The following ROBO1 variants were observed in gnomAD, a reference collection of about 807,000 sequenced individuals.
ROBO1 encodes roundabout guidance receptor 1, also known as roundabout homolog 1.
ROBO1 carries 149 observed loss-of-function variants against 195.9 expected under a neutral mutation model. The ratio of observed to expected loss-of-function variants is 0.76; its 90% CI spans 0.67 to 0.87. The LOEUF (loss-of-function observed/expected upper bound fraction) is 0.87, where lower values mean the gene tolerates loss of function less well. Among genes scored for constraint, ROBO1 ranks in the 40% least tolerant of loss-of-function variants. The pLI is 0.00. For synonymous variants in ROBO1, 816 were observed against 733.2 expected (o/e 1.11, Z -1.82); for missense variants, 1,933 against 2,068.3 (o/e 0.93, Z 1.27).
At chr3:79,018,689 A>G (rs2078020006) in intron 3 of ROBO1, 1 of 1,354,918 alleles carries the variant, frequency 7.4e-7, no homozygotes, top group African/African-American at 1.5e-5. Flanking sequence ...CTCCGGCCCC[A>G]GGATTTCCGA....
At position 79,344,111 on chromosome 3, in the gene ROBO1, G is replaced by C. The variant is rs527386707; in HGVS notation, c.89-218572C>G. 3.3e-5 allele frequency among the ~76,000 whole-genome samples: 5 copies of C among 152,222 alleles called. No homozygotes were observed. In the South Asian group the frequency reaches 1.0e-3, roughly 32 times the overall value. ...AGCAATTCCCAAACTGTTCATAGAG[G>C]GATGGTTGTGTATGTTGATATAATT... is the stretch of plus-strand genomic sequence containing the variant. On this transcript the variant is annotated intron_variant, in intron 2 of 30. Transcript: ENST00000464233.
chr3:79,632,549 C>A (rs1308174460), intron 1 of ROBO1, among the ~76,000 whole-genome samples: 1 of 152,022 alleles, frequency 6.6e-6, no homozygotes, highest in African/African-American at 2.4e-5. Flanking sequence ...AGGGGACAGG[C>A]ACATTAGAAG....
chr3:79,109,984 T>C (rs1268026639), intron 3 of ROBO1, among the ~76,000 whole-genome samples: 1 of 152,114 alleles, frequency 6.6e-6, no homozygotes, highest in Non-Finnish European at 1.5e-5. Context: ...ACATGAAGCT[T>C]ACTGCAGATG....
At chr3:79,471,237 T>G (rs1024399218) in intron 2 of ROBO1, among the ~76,000 whole-genome samples, 7 of 152,246 alleles carry the variant, frequency 4.6e-5, no homozygotes, top group African/African-American at 1.2e-4. Context: ...TTTATGACAT[T>G]ACACTGGGCA....
At chr3:79,348,783 C>T (rs925591218) in intron 2 of ROBO1, among the ~76,000 whole-genome samples, 2 of 152,106 alleles carry the variant, frequency 1.3e-5, no homozygotes, top group Non-Finnish European at 2.9e-5. Flanking sequence ...ATTTTGTATG[C>T]ATAGGCAAAG....
At chr3:79,517,022 C>T (rs1011075425) in intron 2 of ROBO1, among the ~76,000 whole-genome samples, 34 of 152,158 alleles carry the variant, frequency 2.2e-4, no homozygotes, top group African/African-American at 8.2e-4. Context: ...TGATAAACTG[C>T]ATCATAGTGT....
chr3:79,348,960 C>G (rs2035237251), intron 2 of ROBO1, among the ~76,000 whole-genome samples: 1 of 152,128 alleles, frequency 6.6e-6, no homozygotes. Context: ...TAAATATTAA[C>G]AATCCACTGC....
At chr3:79,711,073 T>G (rs915202600) in intron 1 of ROBO1, among the ~76,000 whole-genome samples, 1 of 152,154 alleles carries the variant, frequency 6.6e-6, no homozygotes. Context: ...TATGAAAAGT[T>G]GAAAAACCAT....
At chr3:79,374,801 T>G (rs1559854838) in intron 2 of ROBO1, among the ~76,000 whole-genome samples, 1 of 151,630 alleles carries the variant, frequency 6.6e-6, no homozygotes. Context: ...AAGTTATTCT[T>G]GCTTGACTAA....
chr3:78,929,979 G>T (rs1401935845), intron 4 of ROBO1, among the ~76,000 whole-genome samples: 1 of 152,102 alleles, frequency 6.6e-6, no homozygotes, highest in Non-Finnish European at 1.5e-5. Flanking sequence ...CGTATTACTG[G>T]AAGTCAGCTA....
intron 1 of ROBO1, among the ~76,000 whole-genome samples, chr3:79,606,035 C>CAT (rs111238153): frequency 0.017 from 2,459 of 146,546 alleles, 26 homozygotes; most frequent in African/African-American, 0.033. Context: ...CATGTACCCA[C>CAT]ATATATATAT....
rs572720674 is a variant in ROBO1, at chr3:79,569,663, GTGTGTGTGTGTA to G, written c.88+20149_88+20160del. 2.0e-3 allele frequency among the ~76,000 whole-genome samples: 286 copies of G among 144,080 alleles called. 1 individual carries two copies. The Middle Eastern group carries it at 0.022, about 11-fold the overall frequency. The allele number at this position is 144,080 out of a possible 152,430, so 94.5% of individuals were successfully genotyped here. A position where few individuals can be genotyped will look rare whatever the true frequency, so the allele number is the denominator to read the frequency against. On this transcript the variant is annotated intron_variant, in intron 2 of 30. Transcript: ENST00000464233. ...TATAGATATGTGTGTGTGTGTGTGT[GTGTGTGTGTGTA>G]TATATGTGTGTGTGTATATATATAT...
chr3:78,904,139 T>C (rs2037754034), intron 4 of ROBO1, among the ~76,000 whole-genome samples: 1 of 151,566 alleles, frequency 6.6e-6, no homozygotes, highest in African/African-American at 2.4e-5. Context: ...TATATATACA[T>C]ATATATACAA....
At chr3:78,851,989 G>A (rs1576290242) in intron 4 of ROBO1, among the ~76,000 whole-genome samples, 2 of 152,064 alleles carry the variant, frequency 1.3e-5, no homozygotes, top group East Asian at 3.9e-4. Flanking sequence ...TTTATGGCCA[G>A]TTATCAATAA....
intron 2 of ROBO1, among the ~76,000 whole-genome samples, chr3:79,508,694 G>GT (rs1400585816): frequency 1.3e-5 from 2 of 152,096 alleles, no homozygotes; most frequent in Admixed American, 6.5e-5. Flanking sequence ...TCTGGCATCC[G>GT]TTTTCTAATT....
At chr3:79,707,458 C>T (rs1430361579) in intron 1 of ROBO1, among the ~76,000 whole-genome samples, 1 of 151,996 alleles carries the variant, frequency 6.6e-6, no homozygotes, top group East Asian at 1.9e-4. Context: ...GCTCTCATTG[C>T]TTTTTCTCTG....
At chr3:78,804,033 A>G (rs1364745157) in intron 4 of ROBO1, among the ~76,000 whole-genome samples, 2 of 152,180 alleles carry the variant, frequency 1.3e-5, no homozygotes, top group Admixed American at 1.3e-4. Context: ...TGTCTTTAAG[A>G]GCACAACAAA....
chr3:78,725,278 G>A (rs1427213590), intron 5 of ROBO1, among the ~76,000 whole-genome samples: 1 of 152,158 alleles, frequency 6.6e-6, no homozygotes, highest in East Asian at 1.9e-4. Context: ...GCTCCTTTTT[G>A]GGAAAGAGAC....
intron 2 of ROBO1, among the ~76,000 whole-genome samples, chr3:79,177,005 T>C (rs185675375): frequency 2.2e-4 from 33 of 152,226 alleles, no homozygotes; most frequent in Non-Finnish European, 3.5e-4. Context: ...ACAATCTATA[T>C]TCTTGAAGAC....
Sources: gnomAD v4.1 joint callset for allele counts (sites outside exome capture counted in the v4.1 genomes callset) on GRCh38, gnomAD v4.1.1 for gene constraint, MANE v1.5 for transcripts, NCBI Gene and HGNC (gene_info 2026-07-23, HGNC 2026-07-21) for gene names.